COG5: variants seen among roughly 807,000 people sequenced by gnomAD.
The protein encoded by COG5 is conserved oligomeric Golgi complex subunit 5.
Under a neutral mutation model 110.4 loss-of-function variants are expected in COG5, and 86 were observed. The observed-to-expected ratio is 0.78, with a 90% CI of 0.65 to 0.93. COG5 has a LOEUF of 0.93. COG5 is among the 40% of genes least tolerant of loss of function. The pLI, the probability that COG5 is intolerant of heterozygous loss-of-function variation, is 0.00. For synonymous variants in COG5, 360 were observed against 334.6 expected (o/e 1.08, Z -0.83); for missense variants, 1,077 against 987.0 (o/e 1.09, Z -1.22).
intron 19 of COG5, among the ~76,000 whole-genome samples, chr7:107,222,447 G>A (rs769547849): frequency 4.6e-5 from 7 of 152,142 alleles, no homozygotes; most frequent in Non-Finnish European, 1.0e-4. Context: ...CTCGTGATCC[G>A]CCCACCTCGG....
At chr7:107,299,365 T>C (rs1284004047) in intron 11 of COG5, among the ~76,000 whole-genome samples, 1 of 152,116 alleles carries the variant, frequency 6.6e-6, no homozygotes, top group Non-Finnish European at 1.5e-5. Flanking sequence ...CAAAATATTC[T>C]GCAGATACTG....
chr7:107,427,053 C>A (rs919897760), intron 6 of COG5, among the ~76,000 whole-genome samples: 1 of 152,102 alleles, frequency 6.6e-6, no homozygotes, highest in African/African-American at 2.4e-5. Context: ...GAGGTTTGCA[C>A]GACAGCAGTG....
intron 21 of COG5, among the ~76,000 whole-genome samples, chr7:107,205,837 A>T (rs1324543283): frequency 1.3e-5 from 2 of 152,146 alleles, no homozygotes; most frequent in African/African-American, 4.8e-5. Context: ...GCCTTGACTT[A>T]GTAGGATCCG....
At chr7:107,203,781 A>C in intron 21 of COG5, 151 bp from the exon 22 acceptor site, 6 of 651,064 alleles carry the variant, frequency 9.2e-6, no homozygotes, top group Non-Finnish European at 1.6e-5. Flanking sequence ...GCCTTCACTC[A>C]GTTACTGGTA....
chr7:107,352,149 A>G (rs12535554), intron 10 of COG5, among the ~76,000 whole-genome samples: 92,022 of 144,322 alleles, frequency 0.64, 31,605 homozygotes, highest in African/African-American at 0.91. Flanking sequence ...ATGAGTTCAT[A>G]TCCTTTGTAG....
At chr7:107,336,455 A>G (rs1810708794) in intron 10 of COG5, among the ~76,000 whole-genome samples, 1 of 152,186 alleles carries the variant, frequency 6.6e-6, no homozygotes, top group African/African-American at 2.4e-5. Context: ...GATAGAAGAA[A>G]TAAGACCCAG....
At chr7:107,277,357 AG>A (rs1448583525) in intron 14 of COG5, among the ~76,000 whole-genome samples, 4 of 152,316 alleles carry the variant, frequency 2.6e-5, no homozygotes, top group South Asian at 2.1e-4. Flanking sequence ...AGGCCAGTAA[AG>A]CCCCTTACTC....
intron 1 of COG5, among the ~76,000 whole-genome samples, chr7:107,561,598 A>C (rs1349084257): frequency 6.6e-6 from 1 of 152,252 alleles, no homozygotes; most frequent in East Asian, 1.9e-4. Flanking sequence ...AAGTTACTTC[A>C]ATGGCATAGA....
At chr7:107,293,490 T>C (rs1806342517) in intron 12 of COG5, among the ~76,000 whole-genome samples, 1 of 152,194 alleles carries the variant, frequency 6.6e-6, no homozygotes, top group Admixed American at 6.5e-5. Context: ...GGCTCCAGTT[T>C]TTCTGACCAC....
At chr7:107,537,488 A>G (rs1221185085) in intron 5 of COG5, among the ~76,000 whole-genome samples, 1 of 152,156 alleles carries the variant, frequency 6.6e-6, no homozygotes, top group Non-Finnish European at 1.5e-5. Context: ...CTAACACAGG[A>G]AGAGAAAACC....
chr7:107,550,878 C>G (rs1802834577), intron 3 of COG5, among the ~76,000 whole-genome samples: 1 of 148,216 alleles, frequency 6.7e-6, no homozygotes, highest in African/African-American at 2.6e-5. Context: ...GCCCTGTTTT[C>G]TACTTGTACT....
intron 17 of COG5, among the ~76,000 whole-genome samples, chr7:107,239,590 A>G (rs987927398): frequency 5.9e-5 from 9 of 152,160 alleles, no homozygotes; most frequent in Non-Finnish European, 1.3e-4. Flanking sequence ...AACACAGAAT[A>G]TGTTTCCATT....
intron 11 of COG5, among the ~76,000 whole-genome samples, chr7:107,316,428 A>C (rs768302288): frequency 6.6e-6 from 1 of 152,124 alleles, no homozygotes; most frequent in African/African-American, 2.4e-5. Flanking sequence ...AGAAAGGTAC[A>C]GGAAAAAATT....
At chr7:107,368,751 C>G (rs1813855026) in intron 8 of COG5, among the ~76,000 whole-genome samples, 1 of 152,062 alleles carries the variant, frequency 6.6e-6, no homozygotes, top group Non-Finnish European at 1.5e-5. Context: ...GTCTACTTTG[C>G]TTCATCATCA....
intron 6 of COG5, among the ~76,000 whole-genome samples, chr7:107,451,463 G>C (rs1480026688): frequency 2.6e-5 from 4 of 152,078 alleles, no homozygotes; most frequent in Non-Finnish European, 4.4e-5. Context: ...ATGGTGAAAG[G>C]ATTGGTACCA....
chr7:107,218,353 C>G lies in COG5; in HGVS notation c.2169-7128G>C, dbSNP rs1282877352. On this transcript the variant is annotated intron_variant, in intron 19 of 21. Coordinates refer to ENST00000297135, the MANE Select transcript of COG5 (RefSeq NM_006348.5). ...TTCCCCAGAAATAGAAAACATAATC[C>G]TAAAATTCATATGGAACCATAAAAA... Among the ~76,000 whole-genome samples, 3 of 151,976 alleles carry G rather than the reference C, an allele frequency of 2.0e-5. No homozygotes were observed. The East Asian group carries it at 5.8e-4, about 29-fold the overall frequency.
intron 6 of COG5, among the ~76,000 whole-genome samples, chr7:107,467,660 A>AT (rs574104025): frequency 2.6e-5 from 4 of 152,068 alleles, no homozygotes; most frequent in African/African-American, 7.2e-5. Context: ...TCTGTAATTA[A>AT]TTTTTTTCAT....
intron 6 of COG5, among the ~76,000 whole-genome samples, chr7:107,433,957 G>A (rs934066732): frequency 6.6e-6 from 1 of 151,930 alleles, no homozygotes; most frequent in African/African-American, 2.4e-5. Context: ...CTACAATTAA[G>A]AAACAAAAAA....
At chr7:107,391,042 G>A (rs1790587140) in intron 7 of COG5, among the ~76,000 whole-genome samples, 1 of 152,100 alleles carries the variant, frequency 6.6e-6, no homozygotes, top group Admixed American at 6.6e-5. Context: ...TACTCATGTG[G>A]TCCTAAGACT....
Sources: allele counts gnomAD v4.1 joint callset (sites outside exome capture counted in the v4.1 genomes callset), GRCh38; gene constraint gnomAD v4.1.1; transcripts MANE v1.5; gene names NCBI Gene and HGNC (gene_info 2026-07-23, HGNC 2026-07-21).